Variants in MAMDC2 observed in about 807,000 individuals in gnomAD.
The protein encoded by MAMDC2 is MAM domain-containing protein 2.
In MAMDC2, 57 loss-of-function variants were observed where a neutral mutation model predicts 89.8. The observed-to-expected ratio is 0.63, with a 90% CI of 0.51 to 0.79. The LOEUF (loss-of-function observed/expected upper bound fraction) is 0.79, where lower values mean the gene tolerates loss of function less well. MAMDC2 is among the 30% of genes least tolerant of loss of function. The pLI is 0.00. For synonymous variants in MAMDC2, 313 were observed against 293.4 expected, an observed-to-expected ratio of 1.07 and a Z score of -0.68; for missense variants, 800 against 820.6, an observed-to-expected ratio of 0.97 and a Z score of 0.31.
intron 11 of MAMDC2, among the ~76,000 whole-genome samples, chr9:70,215,702 A>G (rs905390102): frequency 2.4e-4 from 37 of 152,226 alleles, no homozygotes; most frequent in African/African-American, 7.7e-4. Flanking sequence ...CAGACACAGA[A>G]CTCTGCTCTG....
At chr9:70,068,023 T>C (rs1827308356) in intron 2 of MAMDC2, among the ~76,000 whole-genome samples, 2 of 152,220 alleles carry the variant, frequency 1.3e-5, no homozygotes, top group African/African-American at 4.8e-5. Context: ...TAAAGAGTCC[T>C]GTGTGGCTCA....
chr9:70,068,957 G>T (rs766287375), intron 2 of MAMDC2, among the ~76,000 whole-genome samples: 2 of 152,146 alleles, frequency 1.3e-5, no homozygotes, highest in Non-Finnish European at 2.9e-5. Context: ...CAGATATAAG[G>T]CAAAGCCTCA....
At chr9:70,096,830 A>G (rs1372781389) in intron 2 of MAMDC2, among the ~76,000 whole-genome samples, 1 of 152,102 alleles carries the variant, frequency 6.6e-6, no homozygotes, top group Non-Finnish European at 1.5e-5. Context: ...AAAACTATTA[A>G]AGGGGGGGAT....
chr9:70,126,821 G>A (rs979537554), intron 6 of MAMDC2, among the ~76,000 whole-genome samples: 2 of 150,254 alleles, frequency 1.3e-5, no homozygotes, highest in African/African-American at 4.9e-5. Context: ...TTACTTGAGT[G>A]AACTGTTTTT....
chr9:70,147,129 A>C (rs1287829994), intron 9 of MAMDC2, among the ~76,000 whole-genome samples: 1 of 148,416 alleles, frequency 6.7e-6, no homozygotes, highest in South Asian at 2.2e-4. Flanking sequence ...GGTGGTACAC[A>C]CCTGTAGTCC....
At chr9:70,141,482 C>A (rs995213521) in intron 8 of MAMDC2, among the ~76,000 whole-genome samples, 1 of 152,176 alleles carries the variant, frequency 6.6e-6, no homozygotes, top group Admixed American at 6.5e-5. Flanking sequence ...CAAATATATA[C>A]GCAAACAAAC....
intron 6 of MAMDC2, among the ~76,000 whole-genome samples, 170 bp downstream of exon 6, chr9:70,126,585 C>A (rs2030562651): frequency 6.6e-6 from 1 of 152,236 alleles, no homozygotes; most frequent in South Asian, 2.1e-4. Flanking sequence ...CTCCCTTCCT[C>A]TGTGTCCCCT....
chr9:70,144,608 A>G (rs1051902297), intron 9 of MAMDC2, among the ~76,000 whole-genome samples: 10 of 152,242 alleles, frequency 6.6e-5, no homozygotes, highest in African/African-American at 2.4e-4. Context: ...AAGGGTCCCA[A>G]AGAAAAATAA....
chr9:70,192,965 T>C (rs2032912105), intron 11 of MAMDC2, among the ~76,000 whole-genome samples: 1 of 152,058 alleles, frequency 6.6e-6, no homozygotes, highest in African/African-American at 2.4e-5. Flanking sequence ...AGACATCACC[T>C]GGAGGATGAT....
intron 2 of MAMDC2, among the ~76,000 whole-genome samples, chr9:70,045,408 G>A (rs368999514): frequency 1.6e-3 from 247 of 152,258 alleles, no homozygotes; most frequent in African/African-American, 5.5e-3. Flanking sequence ...GTTTTAAAGT[G>A]TGGTTCTCAG....
intron 2 of MAMDC2, among the ~76,000 whole-genome samples, chr9:70,051,387 G>T (rs1826889802): frequency 6.6e-6 from 1 of 152,104 alleles, no homozygotes; most frequent in African/African-American, 2.4e-5. Context: ...TACCATAATT[G>T]CAGAAGTCAG....
chr9:70,102,037 A>T (rs2118224479), intron 2 of MAMDC2, among the ~76,000 whole-genome samples: 1 of 152,360 alleles, frequency 6.6e-6, no homozygotes, highest in East Asian at 1.9e-4. Context: ...TTTAAACATT[A>T]GATGAAATAG....
Position 70,131,552 on chromosome 9 carries a change from G to A in MAMDC2, c.934G>A (p.Gly312Arg), listed in dbSNP as rs1313524909. 1.2e-6 allele frequency: 2 copies of A among 1,608,892 alleles called. No homozygotes were observed. Among genetic ancestry groups the A allele is most frequent in the South Asian group, 1.1e-5 (1 of 89,632 alleles). ...TGAAGTTGCTTTCAATGGTCCCAAG[G>A]GAGGTTATGTTGCCCTGGATGATAT... ...IFEVAFNGPK[G>R]GYVALDDISF... The change falls in exon 7 of 14, where the codon GGA becomes AGA. Residue 312 changes from glycine (G) to arginine (R), a missense_variant. Physicochemically the swap from Gly to Arg is moderately radical, Grantham distance 125. Coordinates refer to ENST00000377182, the MANE Select transcript of MAMDC2 (RefSeq NM_153267.5).
Position 70,080,783 on chromosome 9 carries a change from G to C in MAMDC2, c.149-27428G>C, listed in dbSNP as rs557884327. 4.1e-4 allele frequency among the ~76,000 whole-genome samples: 63 copies of C among 152,270 alleles called. No individual in the cohort carries two copies. The South Asian group carries it at 0.012, about 29-fold the overall frequency. On this transcript the variant is annotated intron_variant, in intron 2 of 13. Coordinates refer to ENST00000377182, the MANE Select transcript of MAMDC2 (RefSeq NM_153267.5). ...GGAAAATATTGCAGAGTTTCTAAAT[G>C]GTCAGGAAGGTTTTAATCCCCAAAC...
chr9:70,136,216 G>A (rs1267935144), intron 7 of MAMDC2, among the ~76,000 whole-genome samples: 4 of 152,038 alleles, frequency 2.6e-5, no homozygotes, highest in East Asian at 1.9e-4. Context: ...CCCCAAACCC[G>A]TGGCAATTAC....
At chr9:70,204,712 C>G (rs1021764048) in intron 11 of MAMDC2, among the ~76,000 whole-genome samples, 1 of 151,666 alleles carries the variant, frequency 6.6e-6, no homozygotes, top group Admixed American at 6.6e-5. Context: ...AGCGAGATTC[C>G]GTGGGCGTAG....
intron 7 of MAMDC2, among the ~76,000 whole-genome samples, chr9:70,139,504 T>C (rs1201658405): frequency 1.3e-5 from 2 of 151,990 alleles, no homozygotes; most frequent in Non-Finnish European, 2.9e-5. Context: ...CCACATTTTC[T>C]TAATCCAGTC....
intron 2 of MAMDC2, among the ~76,000 whole-genome samples, chr9:70,100,408 G>A (rs1011057976): frequency 1.3e-5 from 2 of 152,238 alleles, no homozygotes; most frequent in African/African-American, 2.4e-5. Context: ...CAGGGAGGCA[G>A]ACAGTTAAGG....
At chr9:70,143,496 A>T (rs561746856) in intron 8 of MAMDC2, 58 bp from the exon 9 acceptor site, 62 of 1,571,150 alleles carry the variant, frequency 3.9e-5, no homozygotes, top group Non-Finnish European at 4.9e-5. Flanking sequence ...ATATTTTACC[A>T]CTTGCTAATC....
Sources: gnomAD v4.1 joint callset for allele counts (sites outside exome capture counted in the v4.1 genomes callset) on GRCh38, gnomAD v4.1.1 for gene constraint, MANE v1.5 for transcripts, NCBI Gene and HGNC (gene_info 2026-07-23, HGNC 2026-07-21) for gene names.